The following GRID1 variants were observed in gnomAD, a reference collection of about 807,000 sequenced individuals.
GRID1 encodes glutamate ionotropic receptor delta type subunit 1, also known as glutamate receptor ionotropic, delta-1.
A neutral mutation model predicts 98.0 loss-of-function variants in GRID1; 28 were observed. The observed-to-expected ratio is 0.29, with a 90% confidence interval of 0.21 to 0.39. The LOEUF (loss-of-function observed/expected upper bound fraction) is 0.39, where lower values mean the gene tolerates loss of function less well. Ranked by LOEUF, GRID1 falls within the 10% of genes least tolerant of loss-of-function variation. GRID1 has a pLI of 1.00. For synonymous variants in GRID1, 553 were observed against 538.5 expected (o/e 1.03, Z -0.37); for missense variants, 1,111 against 1,340.5 (o/e 0.83, Z 2.67).
rs559785189 is a variant in GRID1 at position 86,098,738 on chromosome 10, G to A, written c.726+40081C>T. Among the ~76,000 whole-genome samples, 39 of 152,270 alleles carry A rather than the reference G, an allele frequency of 2.6e-4. 2 individuals are homozygous for A. In the South Asian group the frequency reaches 7.9e-3, roughly 31 times the overall value. ...ATCCTGTTTTAATTTGCATTGTTTT[G>A]ATTACAACTGAAGTTTTAGTGGTTT... On this transcript the variant is annotated intron_variant, in intron 4 of 15. Transcript: ENST00000327946.
chr10:85,663,373 C>A (rs941572124), intron 12 of GRID1, among the ~76,000 whole-genome samples: 2 of 152,194 alleles, frequency 1.3e-5, no homozygotes, highest in Non-Finnish European at 2.9e-5. Context: ...CCAAAATTGC[C>A]AGCCACTGTC....
intron 8 of GRID1, among the ~76,000 whole-genome samples, chr10:85,816,726 G>C (rs925629247): frequency 6.6e-6 from 1 of 150,776 alleles, no homozygotes; most frequent in African/African-American, 2.4e-5. Context: ...TTTGAGGTTC[G>C]GGTGTACATG....
chr10:86,090,442 T>G (rs1433644728), intron 4 of GRID1, among the ~76,000 whole-genome samples: 1 of 149,948 alleles, frequency 6.7e-6, no homozygotes, highest in African/African-American at 2.5e-5. Context: ...GATATAATAA[T>G]ATACATTACC....
At chr10:85,993,902 C>T (rs1455434410) in intron 4 of GRID1, among the ~76,000 whole-genome samples, 1 of 152,032 alleles carries the variant, frequency 6.6e-6, no homozygotes, top group African/African-American at 2.4e-5. Flanking sequence ...GATGATGTTT[C>T]CTTGCATGGC....
chr10:85,667,208 C>T (rs1841030126), intron 12 of GRID1, among the ~76,000 whole-genome samples: 2 of 152,048 alleles, frequency 1.3e-5, no homozygotes, highest in Admixed American at 1.3e-4. Context: ...CCCGTCTATT[C>T]TTTATCTGCT....
At chr10:85,960,995 G>T (rs574861116) in intron 4 of GRID1, among the ~76,000 whole-genome samples, 2 of 151,884 alleles carry the variant, frequency 1.3e-5, no homozygotes, top group African/African-American at 4.8e-5. Context: ...TCGCACGGAG[G>T]CTGGCAAGGA....
At chr10:85,698,738 C>A (rs1185983934) in intron 12 of GRID1, among the ~76,000 whole-genome samples, 4 of 152,140 alleles carry the variant, frequency 2.6e-5, no homozygotes, top group African/African-American at 9.7e-5. Flanking sequence ...TAAGAAACTG[C>A]GAACTGTCTG....
At chr10:85,850,004 A>C (rs1843042638) in intron 8 of GRID1, among the ~76,000 whole-genome samples, 1 of 152,172 alleles carries the variant, frequency 6.6e-6, no homozygotes, top group African/African-American at 2.4e-5. Context: ...TCCAGGATGC[A>C]AGGCATAAAA....
chr10:86,102,563 T>C (rs571774267), intron 4 of GRID1, among the ~76,000 whole-genome samples: 2 of 152,366 alleles, frequency 1.3e-5, no homozygotes, highest in Non-Finnish European at 2.9e-5. Context: ...ATTTGCTTTA[T>C]GTTAAACAGA....
intron 2 of GRID1, among the ~76,000 whole-genome samples, chr10:86,355,028 G>T (rs879670346): frequency 6.6e-6 from 1 of 152,200 alleles, no homozygotes; most frequent in Non-Finnish European, 1.5e-5. Context: ...GTGAGAGGAG[G>T]ACAAGTCTCC....
At chr10:85,877,042 G>T (rs1031657411) in intron 5 of GRID1, among the ~76,000 whole-genome samples, 4 of 152,248 alleles carry the variant, frequency 2.6e-5, no homozygotes, top group Non-Finnish European at 5.9e-5. Context: ...CAAGGCGGCA[G>T]TAAGGCTGGG....
At chr10:85,758,486 TCTC>T (rs1564581374) in intron 8 of GRID1, among the ~76,000 whole-genome samples, 1 of 152,132 alleles carries the variant, frequency 6.6e-6, no homozygotes, top group African/African-American at 2.4e-5. Flanking sequence ...CCACATAGCT[TCTC>T]CTCATTGTTG....
At chr10:86,258,041 T>G (rs1846952703) in intron 2 of GRID1, among the ~76,000 whole-genome samples, 1 of 152,102 alleles carries the variant, frequency 6.6e-6, no homozygotes, top group Non-Finnish European at 1.5e-5. Flanking sequence ...CCCCACAACT[T>G]AGTTTTCTAC....
intron 4 of GRID1, among the ~76,000 whole-genome samples, chr10:85,968,432 C>T (rs1243588260): frequency 8.1e-6 from 1 of 123,210 alleles, no homozygotes; most frequent in African/African-American, 3.4e-5. Flanking sequence ...GCCTGGACGA[C>T]ACAGCAAGAC....
At chr10:85,825,352 T>A (rs1282530535) in intron 8 of GRID1, among the ~76,000 whole-genome samples, 1 of 152,014 alleles carries the variant, frequency 6.6e-6, no homozygotes, top group African/African-American at 2.4e-5. Flanking sequence ...AAGTGTCTAT[T>A]CATGTCATTT....
At chr10:85,959,600 G>A (rs1842239546) in intron 4 of GRID1, among the ~76,000 whole-genome samples, 1 of 144,036 alleles carries the variant, frequency 6.9e-6, no homozygotes, top group South Asian at 2.2e-4. Flanking sequence ...ACTTTTTCCA[G>A]GGTTTCATAG....
chr10:85,977,905 C>T (rs903784819), intron 4 of GRID1, among the ~76,000 whole-genome samples: 4 of 152,198 alleles, frequency 2.6e-5, no homozygotes, highest in African/African-American at 7.2e-5. Context: ...GAGGTCTGGT[C>T]TATCTAGTGC....
At position 85,728,532 on chromosome 10, in the gene GRID1, G is replaced by A. The variant is rs78254864; in HGVS notation, c.1336-480C>T. ...CAGGCTATACTAGAAAGTGGATATG[G>A]ATATGGATTAACTGACCAAGGCCAG... On this transcript the variant is annotated intron_variant, in intron 9 of 15. Transcript: ENST00000327946. 3.1e-3 allele frequency among the ~76,000 whole-genome samples: 466 copies of A among 152,350 alleles called. 3 individuals are homozygous for A. Among genetic ancestry groups the A allele is most frequent in the African/African-American group, 0.011 (444 of 41,582 alleles).
chr10:86,076,040 G>A, intron 4 of GRID1, among the ~76,000 whole-genome samples: 1 of 152,208 alleles, frequency 6.6e-6, no homozygotes, highest in East Asian at 1.9e-4. Flanking sequence ...GGGAAGCAAG[G>A]AGGAAAGACT....
Sources: gnomAD v4.1 joint callset for allele counts (sites outside exome capture counted in the v4.1 genomes callset) on GRCh38, gnomAD v4.1.1 for gene constraint, MANE v1.5 for transcripts, NCBI Gene and HGNC (gene_info 2026-07-23, HGNC 2026-07-21) for gene names.